Variants in CPA6 observed in about 807,000 individuals in gnomAD.
CPA6 encodes carboxypeptidase B.
CPA6 carries 58 observed loss-of-function variants against 63.3 expected under a neutral mutation model. The ratio of observed to expected loss-of-function variants is 0.92; its 90% confidence interval spans 0.74 to 1.14. The LOEUF (loss-of-function observed/expected upper bound fraction) is 1.14. Ranked by LOEUF, CPA6 falls within the 50% of genes most tolerant of loss-of-function variation. CPA6 has a pLI of 0.00. For synonymous variants in CPA6, 185 were observed against 179.0 expected, an observed-to-expected ratio of 1.03 and a Z score of -0.27; for missense variants, 565 against 526.6, an observed-to-expected ratio of 1.07 and a Z score of -0.71.
chr8:67,618,971 T>C (rs762000062), intron 2 of CPA6, among the ~76,000 whole-genome samples: 10 of 152,206 alleles, frequency 6.6e-5, no homozygotes, highest in Non-Finnish European at 1.3e-4. Context: ...GTTTTCTGTT[T>C]AACTTTCTTG....
intron 1 of CPA6, among the ~76,000 whole-genome samples, chr8:67,636,075 C>G (rs1377382474): frequency 6.6e-6 from 1 of 151,548 alleles, no homozygotes. Flanking sequence ...CCCTTAGCAA[C>G]TTTTGTTGGT....
chr8:67,735,200 A>T (rs1172643796), intron 1 of CPA6: 1 of 152,086 alleles, frequency 6.6e-6, no homozygotes, highest in Non-Finnish European at 1.5e-5. Flanking sequence ...TTCAGTTTAG[A>T]CTGTGGATTA....
At chr8:67,490,690 C>T (rs1811584874) in intron 6 of CPA6, among the ~76,000 whole-genome samples, 2 of 152,122 alleles carry the variant, frequency 1.3e-5, no homozygotes. Flanking sequence ...ACTATTTTGG[C>T]CTCTACATAC....
chr8:67,545,720 G>A (rs1052522169), intron 2 of CPA6, among the ~76,000 whole-genome samples: 2 of 151,938 alleles, frequency 1.3e-5, no homozygotes, highest in East Asian at 1.9e-4. Flanking sequence ...GTGCCACCAC[G>A]CCCAGCTAAT....
chr8:67,644,413 C>T (rs915229151), intron 1 of CPA6, among the ~76,000 whole-genome samples: 1 of 152,182 alleles, frequency 6.6e-6, no homozygotes, highest in Non-Finnish European at 1.5e-5. Context: ...CCACCATGCC[C>T]GGCCATTATG....
chr8:67,707,255 T>C (rs982269646), intron 1 of CPA6, among the ~76,000 whole-genome samples: 1 of 152,214 alleles, frequency 6.6e-6, no homozygotes, highest in African/African-American at 2.4e-5. Context: ...GAAACATTCA[T>C]GAATACCAAG....
chr8:67,563,828 T>C (rs1813272532), intron 2 of CPA6, among the ~76,000 whole-genome samples: 1 of 152,204 alleles, frequency 6.6e-6, no homozygotes. Context: ...TACTGATTTC[T>C]ACCACATTCT....
At position 67,446,263 on chromosome 8, in the gene CPA6, TA is replaced by T. The variant is rs765715315; in HGVS notation, c.839-12024del. Among the ~76,000 whole-genome samples the T allele has an allele frequency of 5.9e-3, 785 of 132,924 alleles. 1 individual carries two copies. The highest frequency in any genetic ancestry group is 7.7e-3 in the Admixed American group (100 of 13,022). 87.2% of individuals were successfully genotyped at this position (132,924 alleles called of 152,430 possible). ...CTGGGAGACAGAGCGAGACTCCATCTAAAAAAAAAAAAAAAAGTAGTCATTT... is the reference window on the plus strand; with the variant it reads ...CTGGGAGACAGAGCGAGACTCCATCTAAAAAAAAAAAAAAAGTAGTCATTT... On this transcript the variant is annotated intron_variant, in intron 8 of 10. Coordinates refer to ENST00000297770, the MANE Select transcript of CPA6 (RefSeq NM_020361.5).
chr8:67,495,265 C>T (rs951274770), intron 6 of CPA6, among the ~76,000 whole-genome samples: 12 of 152,146 alleles, frequency 7.9e-5, no homozygotes, highest in African/African-American at 2.9e-4. Context: ...TCTTCCATTC[C>T]CATATCAAGC....
intron 2 of CPA6, among the ~76,000 whole-genome samples, chr8:67,590,965 C>G (rs1814105476): frequency 6.6e-6 from 1 of 152,170 alleles, no homozygotes. Flanking sequence ...TTGCCCATGC[C>G]TATGTTCTGA....
chr8:67,578,214 C>T (rs775878285), intron 2 of CPA6, among the ~76,000 whole-genome samples: 7 of 152,132 alleles, frequency 4.6e-5, no homozygotes, highest in South Asian at 2.1e-4. Context: ...AAGCTGATGG[C>T]GGGTTTAGAA....
At chr8:67,583,630 T>A (rs193272702) in intron 2 of CPA6, among the ~76,000 whole-genome samples, 2 of 152,278 alleles carry the variant, frequency 1.3e-5, no homozygotes, top group East Asian at 3.9e-4. Flanking sequence ...CACCAAGGGC[T>A]GTGAATTCAG....
intron 1 of CPA6, among the ~76,000 whole-genome samples, chr8:67,672,296 T>C (rs1280487646): frequency 1.3e-5 from 2 of 152,252 alleles, no homozygotes; most frequent in Non-Finnish European, 2.9e-5. Context: ...CATAGTTTTG[T>C]CTTTGAACTC....
chr8:67,484,871 G>T, intron 6 of CPA6, 82 bp from the exon 7 acceptor site: 1 of 705,492 alleles, frequency 1.4e-6, no homozygotes, highest in Non-Finnish European at 2.5e-6. Context: ...TTCTATCCAT[G>T]AGAACTACCA....
chr8:67,550,670 T>C (rs1304213700), intron 2 of CPA6, among the ~76,000 whole-genome samples: 1 of 152,214 alleles, frequency 6.6e-6, no homozygotes, highest in Non-Finnish European at 1.5e-5. Flanking sequence ...GTATAAGCAT[T>C]CCTTTTTCTC....
chr8:67,459,894 G>A (rs1810761650), intron 8 of CPA6, among the ~76,000 whole-genome samples: 1 of 152,158 alleles, frequency 6.6e-6, no homozygotes, highest in African/African-American at 2.4e-5. Context: ...TCCTGCTGGG[G>A]GCTGTTGACA....
intron 8 of CPA6, among the ~76,000 whole-genome samples, chr8:67,437,331 C>T (rs1810184395): frequency 6.6e-6 from 1 of 152,064 alleles, no homozygotes. Flanking sequence ...GGAGGCGGAG[C>T]TTGTAGCGAG....
intron 2 of CPA6, among the ~76,000 whole-genome samples, chr8:67,529,565 CT>C (rs1019406413): frequency 6.6e-6 from 1 of 152,168 alleles, no homozygotes; most frequent in African/African-American, 2.4e-5. Context: ...AATATGTTTT[CT>C]GGAGAAATTA....
chr8:67,431,246 AT>A (rs201908476), intron 9 of CPA6, among the ~76,000 whole-genome samples: 193 of 148,362 alleles, frequency 1.3e-3, no homozygotes, highest in South Asian at 3.4e-3. Flanking sequence ...TCATATGATA[AT>A]TTTTTTTTTT....
Sources: allele counts gnomAD v4.1 joint callset (sites outside exome capture counted in the v4.1 genomes callset), GRCh38; gene constraint gnomAD v4.1.1; transcripts MANE v1.5; gene names NCBI Gene and HGNC (gene_info 2026-07-23, HGNC 2026-07-21).